The following PRKG1 variants were observed in gnomAD, a reference collection of about 807,000 sequenced individuals.
The protein encoded by PRKG1 is protein kinase cGMP-dependent 1.
PRKG1 carries 35 observed loss-of-function variants against 88.1 expected under a neutral mutation model. The ratio of observed to expected loss-of-function variants is 0.40; its 90% CI spans 0.30 to 0.53. The LOEUF (loss-of-function observed/expected upper bound fraction) is 0.53. Ranked by LOEUF, PRKG1 falls within the 20% of genes least tolerant of loss-of-function variation. PRKG1 has a pLI of 0.59. For missense variants in PRKG1, 540 were observed against 839.8 expected (o/e 0.64, Z 4.41); for synonymous variants, 303 against 292.5 (o/e 1.04, Z -0.37).
intron 1 of PRKG1, among the ~76,000 whole-genome samples, chr10:51,133,419 T>C (rs553347432): frequency 3.5e-4 from 53 of 152,178 alleles, no homozygotes; most frequent in Admixed American, 2.6e-3. Flanking sequence ...AAACCATTGT[T>C]CTATGTATTG....
chr10:52,013,141 G>A (rs569182193), intron 5 of PRKG1, among the ~76,000 whole-genome samples: 3 of 151,792 alleles, frequency 2.0e-5, no homozygotes, highest in South Asian at 4.2e-4. Flanking sequence ...TGGGAGGGCC[G>A]GGTGCGGTGG....
At chr10:51,995,742 G>C (rs1393422169) in intron 5 of PRKG1, among the ~76,000 whole-genome samples, 1 of 152,144 alleles carries the variant, frequency 6.6e-6, no homozygotes, top group Non-Finnish European at 1.5e-5. Context: ...TAATATTTTA[G>C]CTCAGTTCCT....
chr10:51,660,130 TAA>T (rs36010118), intron 3 of PRKG1, among the ~76,000 whole-genome samples: 2,590 of 135,710 alleles, frequency 0.019, 82 homozygotes, highest in African/African-American at 0.065. Context: ...GGAAGGGAAT[TAA>T]AAAAAAAAAA....
At chr10:51,469,246 T>A (rs966822691) in intron 3 of PRKG1, among the ~76,000 whole-genome samples, 1 of 151,854 alleles carries the variant, frequency 6.6e-6, no homozygotes, top group Admixed American at 6.6e-5. Context: ...CCTTTTAAGA[T>A]AAAAAAGACC....
At chr10:51,207,363 G>A (rs2132066362) in intron 2 of PRKG1, among the ~76,000 whole-genome samples, 1 of 152,236 alleles carries the variant, frequency 6.6e-6, no homozygotes, top group East Asian at 1.9e-4. Flanking sequence ...CTCTTATTAT[G>A]TACCTGGGTG....
At chr10:51,341,772 A>G (rs1842008747) in intron 2 of PRKG1, among the ~76,000 whole-genome samples, 1 of 152,158 alleles carries the variant, frequency 6.6e-6, no homozygotes, top group Non-Finnish European at 1.5e-5. Flanking sequence ...ATTTATAAAG[A>G]AAAGAGGTTT....
chr10:51,123,578 C>T (rs1192626358), intron 1 of PRKG1, among the ~76,000 whole-genome samples: 2 of 151,622 alleles, frequency 1.3e-5, no homozygotes, highest in African/African-American at 2.4e-5. Flanking sequence ...CCCAGCTACT[C>T]GGGTGGCTGA....
chr10:51,330,113 ATTT>A (rs1354185846), intron 2 of PRKG1, among the ~76,000 whole-genome samples: 2 of 73,320 alleles, frequency 2.7e-5, no homozygotes, highest in Admixed American at 2.4e-4. Context: ...TCTTTTATTT[ATTT>A]ATTTATTTAT....
chr10:51,942,377 G>A lies in PRKG1; in HGVS notation c.762+34807G>A, dbSNP rs1280920544. ...GCCCTTTGTCAGATGAGTAGGTTGT[G>A]AAAATTTTCTCCCATTTTGTAGGTT... On this transcript the variant is annotated intron_variant, in intron 5 of 17. Transcript: ENST00000373980. Among the ~76,000 whole-genome samples the A allele has an allele frequency of 6.6e-3, 1,004 of 151,386 alleles. 3 individuals carry two copies. The highest frequency in any genetic ancestry group is 0.024 in the Middle Eastern group (7 of 288).
chr10:52,074,033 A>G (rs202048332), intron 7 of PRKG1, among the ~76,000 whole-genome samples: 1 of 151,898 alleles, frequency 6.6e-6, no homozygotes, highest in Non-Finnish European at 1.5e-5. Context: ...CAAAAAAATT[A>G]TTGTTGCTGT....
intron 7 of PRKG1, among the ~76,000 whole-genome samples, chr10:52,116,356 T>A (rs545863088): frequency 5.9e-5 from 9 of 152,308 alleles, no homozygotes; most frequent in African/African-American, 2.2e-4. Context: ...TTGCATGCCC[T>A]GTATTTTTAG....
At chr10:52,108,762 T>G (rs868032083) in intron 7 of PRKG1, among the ~76,000 whole-genome samples, 3 of 152,126 alleles carry the variant, frequency 2.0e-5, no homozygotes, top group Middle Eastern at 3.2e-3. Flanking sequence ...GTTAGATAGC[T>G]ATTGCGATGA....
At chr10:52,153,278 A>G (rs1292200401) in intron 8 of PRKG1, among the ~76,000 whole-genome samples, 1 of 152,252 alleles carries the variant, frequency 6.6e-6, no homozygotes, top group African/African-American at 2.4e-5. Flanking sequence ...AGCATACATA[A>G]AATCCTATTT....
At chr10:51,631,185 T>A (rs1378873176) in intron 3 of PRKG1, among the ~76,000 whole-genome samples, 1 of 152,144 alleles carries the variant, frequency 6.6e-6, no homozygotes, top group Non-Finnish European at 1.5e-5. Flanking sequence ...ATTCTTAGAG[T>A]CTTCTGCTGT....
At chr10:52,162,921 G>A (rs1187769074) in intron 9 of PRKG1, among the ~76,000 whole-genome samples, 1 of 152,068 alleles carries the variant, frequency 6.6e-6, no homozygotes, top group Admixed American at 6.6e-5. Context: ...AGTTACACAG[G>A]CCAGTTGTAA....
chr10:51,602,778 GTGTATA>G (rs1223020366), intron 3 of PRKG1, among the ~76,000 whole-genome samples: 4,354 of 110,402 alleles, frequency 0.039, 214 homozygotes, highest in African/African-American at 0.16. Flanking sequence ...GTGTGTGTGT[GTGTATA>G]TATTCATATA....
At chr10:51,051,544 C>CT (rs774067510) in intron 1 of PRKG1, among the ~76,000 whole-genome samples, 1 of 152,020 alleles carries the variant, frequency 6.6e-6, no homozygotes, top group Admixed American at 6.6e-5. Context: ...ATTCAGAAAT[C>CT]TTTTTTCTCT....
chr10:51,350,114 GA>G (rs1441100393), intron 2 of PRKG1, among the ~76,000 whole-genome samples: 4 of 152,156 alleles, frequency 2.6e-5, no homozygotes, highest in African/African-American at 9.7e-5. Context: ...AATTCATAAT[GA>G]ATTTGCCATA....
intron 9 of PRKG1, among the ~76,000 whole-genome samples, chr10:52,224,367 C>A (rs1218636449): frequency 1.3e-5 from 2 of 152,120 alleles, no homozygotes; most frequent in Non-Finnish European, 1.5e-5. Flanking sequence ...TGGACCTTCT[C>A]TAATCTCTTA....
Sources: gnomAD v4.1 joint callset for allele counts (sites outside exome capture counted in the v4.1 genomes callset) on GRCh38, gnomAD v4.1.1 for gene constraint, MANE v1.5 for transcripts, NCBI Gene and HGNC (gene_info 2026-07-23, HGNC 2026-07-21) for gene names.